The following HTATIP2 variants were observed in gnomAD, a reference collection of about 807,000 sequenced individuals.
HTATIP2 encodes the protein protein HTATIP2.
A neutral mutation model predicts 24.7 loss-of-function variants in HTATIP2; 26 were observed. The observed-to-expected ratio is 1.05, with a 90% confidence interval of 0.77 to 1.46. The LOEUF is 1.46. HTATIP2 is among the 40% of genes most tolerant of loss of function. The pLI, the probability that HTATIP2 is intolerant of heterozygous loss-of-function variation, is 0.00. For synonymous variants in HTATIP2, 99 were observed against 113.2 expected (o/e 0.87, Z 0.79); for missense variants, 284 against 289.6 (o/e 0.98, Z 0.14).
chr11:20,370,030 C>G (rs2064754832), intron 2 of HTATIP2, among the ~76,000 whole-genome samples: 1 of 152,214 alleles, frequency 6.6e-6, no homozygotes, highest in African/African-American at 2.4e-5. Flanking sequence ...TGACTTGGCC[C>G]TGATCCAGAT....
chr11:20,374,946 A>G (rs1474160940), intron 2 of HTATIP2, among the ~76,000 whole-genome samples: 1 of 152,194 alleles, frequency 6.6e-6, no homozygotes, highest in Non-Finnish European at 1.5e-5. Context: ...AAAGATTAGG[A>G]CGTGGGCATC....
chr11:20,365,301 T>G (rs2064687376), intron 1 of HTATIP2, among the ~76,000 whole-genome samples: 1 of 152,196 alleles, frequency 6.6e-6, no homozygotes, highest in Non-Finnish European at 1.5e-5. Flanking sequence ...AGTTACACTT[T>G]TATGATTATA....
rs2064718710 is a variant in HTATIP2 at position 20,367,162 on chromosome 11, G to T, written c.196-12G>T. On this transcript the variant is annotated splice_polypyrimidine_tract_variant and intron_variant, in intron 1 of 4. Transcript: ENST00000451739. Reference sequence around the variant, plus strand: ...ATAACATGAAACTACATACAACTGTGTCCTTGCCTAGAATCAAGAAGTGGT... The same window carrying T: ...ATAACATGAAACTACATACAACTGTTTCCTTGCCTAGAATCAAGAAGTGGT... 6.2e-7 allele frequency: 1 copy of T among 1,613,802 alleles called. No individual in the cohort carries two copies. The highest frequency in any genetic ancestry group is 8.5e-7 in the Non-Finnish European group (1 of 1,179,964).
chr11:20,379,769 T>C (rs955429193), intron 3 of HTATIP2, among the ~76,000 whole-genome samples: 8 of 152,336 alleles, frequency 5.3e-5, no homozygotes, highest in Non-Finnish European at 8.8e-5. Context: ...TGTGACATTT[T>C]ATTATTGGGT....
At chr11:20,371,050 C>A (rs184638199) in intron 2 of HTATIP2, among the ~76,000 whole-genome samples, 2 of 152,254 alleles carry the variant, frequency 1.3e-5, no homozygotes, top group Admixed American at 1.3e-4. Context: ...GGTATTGGGA[C>A]ACAGCCATGC....
rs1178471113 is a variant in HTATIP2, at chr11:20,370,770, C to T, written c.303+3489C>T. 2.0e-5 allele frequency among the ~76,000 whole-genome samples: 3 copies of T among 152,300 alleles called. No homozygotes were observed. The East Asian group carries it at 5.8e-4, about 29-fold the overall frequency. ...GTTCACGCCATTCTCCTGCCTCAGC[C>T]TCCCAAGTAGCTGGGACTACAGGTG... On this transcript the variant is annotated intron_variant, in intron 2 of 4. Transcript: ENST00000451739.
chr11:20,376,870 A>G (rs1358165994), intron 3 of HTATIP2, among the ~76,000 whole-genome samples, 153 bp downstream of exon 3: 1 of 152,146 alleles, frequency 6.6e-6, no homozygotes, highest in Non-Finnish European at 1.5e-5. Flanking sequence ...TATTTAGTAA[A>G]CAGGAATGAT....
At chr11:20,376,397 A>C in intron 2 of HTATIP2, 183 bp from the exon 3 acceptor site, 1 of 629,548 alleles carries the variant, frequency 1.6e-6, no homozygotes, top group Non-Finnish European at 2.8e-6. Context: ...TGGTGTGCCT[A>C]TCCAGAGGAC....
intron 4 of HTATIP2, 103 bp downstream of exon 4, chr11:20,382,342 T>G (rs1848533200): frequency 8.7e-6 from 6 of 689,710 alleles, no homozygotes; most frequent in Non-Finnish European, 1.5e-5. Flanking sequence ...ATCTAAGATA[T>G]GAAAGACATT....
intron 3 of HTATIP2, 65 bp from the exon 4 acceptor site, chr11:20,382,109 TTCTC>T (rs752882291): frequency 2.2e-6 from 2 of 925,864 alleles, no homozygotes; most frequent in Non-Finnish European, 3.5e-6. Flanking sequence ...CCACAAATTA[TTCTC>T]TCTTAAACTT....
chr11:20,363,718 T>C lies in HTATIP2; in HGVS notation c.-520T>C, dbSNP rs1031168106. ...CCCCTGTGGGCGGGGCGAGGCAGCG[T>C]CGCCGCGAGGCCACCCGGAAGACCA... On this transcript the variant is annotated 5_prime_UTR_variant, in exon 1 of 5. Coordinates refer to ENST00000451739, the MANE Select transcript of HTATIP2 (RefSeq NM_001098522.2). 1.1e-5 allele frequency: 14 copies of C among 1,229,598 alleles called. No individual in the cohort carries two copies. The highest frequency in any genetic ancestry group is 1.4e-5 in the Non-Finnish European group (14 of 985,324). The allele number at this position is 1,229,598 out of a possible 1,614,324, so 76.2% of individuals were successfully genotyped here.
chr11:20,367,827 T>C (rs1368603559), intron 2 of HTATIP2, among the ~76,000 whole-genome samples: 1 of 152,242 alleles, frequency 6.6e-6, no homozygotes, highest in African/African-American at 2.4e-5. Context: ...GCAAAAGTCT[T>C]TTAACGCACA....
intron 2 of HTATIP2, among the ~76,000 whole-genome samples, chr11:20,374,845 G>T (rs772941227): frequency 9.9e-5 from 15 of 152,128 alleles, no homozygotes; most frequent in African/African-American, 2.7e-4. Flanking sequence ...CAGTTTTTTT[G>T]TTGTTGTTGT....
intron 1 of HTATIP2, among the ~76,000 whole-genome samples, chr11:20,366,769 C>T (rs904860094): frequency 3.3e-5 from 5 of 152,074 alleles, no homozygotes; most frequent in Non-Finnish European, 4.4e-5. Context: ...ATAATTTGCC[C>T]GTAACTACAT....
chr11:20,380,293 A>C (rs186448264), intron 3 of HTATIP2, among the ~76,000 whole-genome samples: 1 of 152,370 alleles, frequency 6.6e-6, no homozygotes, highest in African/African-American at 2.4e-5. Context: ...AACTTGTAAC[A>C]GGCCTTTCTA....
chr11:20,368,145 A>C (rs766650280), intron 2 of HTATIP2, among the ~76,000 whole-genome samples: 1 of 151,892 alleles, frequency 6.6e-6, no homozygotes, highest in African/African-American at 2.4e-5. Flanking sequence ...AATAAAGCCG[A>C]GGCACAGTGG....
intron 2 of HTATIP2, among the ~76,000 whole-genome samples, chr11:20,374,334 T>C (rs1485694100): frequency 6.6e-6 from 1 of 152,252 alleles, no homozygotes; most frequent in East Asian, 1.9e-4. Context: ...GCTGCTTTAA[T>C]AAATTCCTCA....
intron 2 of HTATIP2, among the ~76,000 whole-genome samples, chr11:20,368,124 GTAAA>G (rs551341837): frequency 1.8e-3 from 274 of 151,602 alleles, no homozygotes; most frequent in African/African-American, 6.2e-3. Context: ...AGTGAAAAAA[GTAAA>G]TAAATAAATA....
chr11:20,365,800 G>C (rs2064694514), intron 1 of HTATIP2, among the ~76,000 whole-genome samples: 1 of 151,796 alleles, frequency 6.6e-6, no homozygotes, highest in Non-Finnish European at 1.5e-5. Context: ...GTGAAACCCT[G>C]TCTCTACTAA....
Sources: allele counts gnomAD v4.1 joint callset (sites outside exome capture counted in the v4.1 genomes callset), GRCh38; gene constraint gnomAD v4.1.1; transcripts MANE v1.5; gene names NCBI Gene and HGNC (gene_info 2026-07-23, HGNC 2026-07-21).